Variants in DTNB observed in about 807,000 individuals in gnomAD.
DTNB encodes the protein DTN-B.
In DTNB, 63 loss-of-function variants were observed where a neutral mutation model predicts 90.7. The ratio of observed to expected loss-of-function variants is 0.69; its 90% confidence interval spans 0.57 to 0.86. The LOEUF is 0.86. DTNB is among the 40% of genes least tolerant of loss of function. DTNB has a pLI of 0.00. For missense variants in DTNB, 744 were observed against 807.1 expected (o/e 0.92, Z 0.95); for synonymous variants, 277 against 286.7 (o/e 0.97, Z 0.34).
At chr2:25,461,045 A>C (rs1004841647) in intron 10 of DTNB, among the ~76,000 whole-genome samples, 1 of 152,156 alleles carries the variant, frequency 6.6e-6, no homozygotes, top group Non-Finnish European at 1.5e-5. Flanking sequence ...CTGGGACTAC[A>C]GGTGTGTGCC....
At chr2:25,624,528 C>A (rs907992952) in intron 4 of DTNB, among the ~76,000 whole-genome samples, 1 of 152,186 alleles carries the variant, frequency 6.6e-6, no homozygotes, top group African/African-American at 2.4e-5. Flanking sequence ...TCTGATGCAA[C>A]CAAGATGAGG....
chr2:25,652,630 TCTTCCG>T lies in DTNB; in HGVS notation c.25_30del (p.Arg9_Lys10del). On this transcript the variant is annotated inframe_deletion, in exon 2 of 21. Transcript: ENST00000406818. ...AACAGCTGCCTCTTCTCTGCCATGGTCTTCCGCTTGTTCCCACTTTCCTCAATCATC... is the reference window on the plus strand; with the variant it reads ...AACAGCTGCCTCTTCTCTGCCATGGTCTTGTTCCCACTTTCCTCAATCATC... The T allele has an allele frequency of 6.2e-7, 1 of 1,612,778 alleles. No individual in the cohort carries two copies.
At chr2:25,662,029 G>A (rs1327643630) in intron 1 of DTNB, among the ~76,000 whole-genome samples, 1 of 151,886 alleles carries the variant, frequency 6.6e-6, no homozygotes, top group African/African-American at 2.4e-5. Context: ...GGTCGTGGGC[G>A]CCTGTAGTCC....
chr2:25,494,789 T>A (rs2068417447), intron 9 of DTNB, among the ~76,000 whole-genome samples: 1 of 152,136 alleles, frequency 6.6e-6, no homozygotes, highest in Non-Finnish European at 1.5e-5. Flanking sequence ...TGGCCTGCCC[T>A]GAGTCACTTG....
At chr2:25,451,770 C>T in intron 11 of DTNB, 135 bp from the exon 12 acceptor site, 1 of 786,826 alleles carries the variant, frequency 1.3e-6, no homozygotes, top group Non-Finnish European at 1.8e-6. Context: ...GTCATAGATA[C>T]TAATGGTCTT....
intron 8 of DTNB, among the ~76,000 whole-genome samples, chr2:25,538,845 C>T (rs1427322351): frequency 1.3e-5 from 2 of 152,216 alleles, no homozygotes. Flanking sequence ...AGACTCCTTA[C>T]AGACCCTCAT....
Position 25,448,855 on chromosome 2 carries a change from CA to C in DTNB, c.1257+2692del, listed in dbSNP as rs57986514. 6.4e-3 allele frequency among the ~76,000 whole-genome samples: 506 copies of C among 79,526 alleles called. 1 individual carries two copies. Among genetic ancestry groups the C allele is most frequent in the South Asian group, 0.019 (47 of 2,428 alleles). 52.2% of individuals were successfully genotyped at this position (79,526 alleles called of 152,430 possible). A position where few individuals can be genotyped will look rare whatever the true frequency, so the allele number is the denominator to read the frequency against. On this transcript the variant is annotated intron_variant, in intron 12 of 20. Transcript: ENST00000406818. ...TGGGCGACAGAGCAAGATTCCATCT[CA>C]AAAAAAAAAAAAAAAAAAAGTATTT...
At chr2:25,498,145 C>T (rs1302689338) in intron 9 of DTNB, among the ~76,000 whole-genome samples, 3 of 152,054 alleles carry the variant, frequency 2.0e-5, no homozygotes, top group Non-Finnish European at 2.9e-5. Context: ...TTTTCTGGCA[C>T]AATAAAACAA....
chr2:25,604,835 C>G (rs920377942), intron 5 of DTNB, among the ~76,000 whole-genome samples: 4 of 152,192 alleles, frequency 2.6e-5, no homozygotes, highest in Non-Finnish European at 4.4e-5. Context: ...GGTGATCCAC[C>G]CCAACCTCCC....
At chr2:25,562,778 T>C (rs2151207344) in intron 8 of DTNB, among the ~76,000 whole-genome samples, 1 of 152,262 alleles carries the variant, frequency 6.6e-6, no homozygotes, top group African/African-American at 2.4e-5. Context: ...ATTTACTTTT[T>C]TTTCTTTTTT....
intron 9 of DTNB, among the ~76,000 whole-genome samples, chr2:25,486,124 AAAAAT>A (rs143035949): frequency 1 from 145,383 of 145,704 alleles, 72,531 homozygotes; most frequent in Middle Eastern, 1. Flanking sequence ...TCCATCTCAA[AAAAAT>A]AAAATAAAAT....
At chr2:25,662,139 G>C (rs938785654) in intron 1 of DTNB, among the ~76,000 whole-genome samples, 11 of 147,358 alleles carry the variant, frequency 7.5e-5, no homozygotes, top group Non-Finnish European at 4.5e-5. Flanking sequence ...CTGGGTGACA[G>C]AGCGAGACTC....
chr2:25,670,815 T>C (rs1014319885), intron 1 of DTNB, among the ~76,000 whole-genome samples: 1 of 152,164 alleles, frequency 6.6e-6, no homozygotes, highest in Non-Finnish European at 1.5e-5. Context: ...TATACAGCAG[T>C]CTCCCCTCAG....
intron 2 of DTNB, chr2:25,650,064 G>C: frequency 1.0e-6 from 1 of 985,408 alleles, no homozygotes; most frequent in South Asian, 4.7e-5. Flanking sequence ...GTCAGAGGAT[G>C]ATAATTCATA....
At position 25,405,816 on chromosome 2, in the gene DTNB, G is replaced by C. The variant is rs551389921; in HGVS notation, c.1575+13699C>G. 3.4e-4 allele frequency among the ~76,000 whole-genome samples: 52 copies of C among 152,252 alleles called. 1 individual carries two copies. The highest frequency in any genetic ancestry group is 1.2e-3 in the African/African-American group (51 of 41,524). On this transcript the variant is annotated intron_variant, in intron 16 of 20. Coordinates refer to ENST00000406818, the MANE Select transcript of DTNB (RefSeq NM_021907.5). The stretch of plus-strand genomic sequence containing the variant: ...GGTGAAGGTTTCTAAGGAGGGGAGG[G>C]ATGTGGCCAGTCTGGTCTGTGCTCA...
At chr2:25,400,873 A>G (rs944735028) in intron 16 of DTNB, among the ~76,000 whole-genome samples, 2 of 152,186 alleles carry the variant, frequency 1.3e-5, no homozygotes, top group Non-Finnish European at 2.9e-5. Context: ...GCAAATGTAG[A>G]GCCAGTGAAA....
At chr2:25,574,072 C>T (rs964563330) in intron 8 of DTNB, among the ~76,000 whole-genome samples, 14 of 152,198 alleles carry the variant, frequency 9.2e-5, no homozygotes, top group Admixed American at 7.2e-4. Context: ...ATTCTGTTCG[C>T]ATTCCACTGG....
intron 12 of DTNB, among the ~76,000 whole-genome samples, chr2:25,439,684 T>C (rs915725861): frequency 6.6e-6 from 1 of 152,218 alleles, no homozygotes; most frequent in African/African-American, 2.4e-5. Context: ...TTAGTAATCC[T>C]AGCTTTGCTA....
chr2:25,568,170 A>G lies in DTNB; in HGVS notation c.876+8668T>C, dbSNP rs191645312. ...AGACTCCGTCTCAAAAAAAAAAAAAAGAGGAAAAGAAAAGAAAGGTTGAAG... is the reference window on the plus strand; with the variant it reads ...AGACTCCGTCTCAAAAAAAAAAAAAGGAGGAAAAGAAAAGAAAGGTTGAAG... On this transcript the variant is annotated intron_variant, in intron 8 of 20. Transcript: ENST00000406818. Among the ~76,000 whole-genome samples, 871 of 151,672 alleles carry G rather than the reference A, an allele frequency of 5.7e-3. 2 individuals are homozygous for G. The highest frequency in any genetic ancestry group is 0.017 in the African/African-American group (706 of 41,140).
Sources: gnomAD v4.1 joint callset for allele counts (sites outside exome capture counted in the v4.1 genomes callset) on GRCh38, gnomAD v4.1.1 for gene constraint, MANE v1.5 for transcripts, NCBI Gene and HGNC (gene_info 2026-07-23, HGNC 2026-07-21) for gene names.